Variants in ITSN2 observed in about 807,000 individuals in gnomAD.
ITSN2 encodes the protein intersectin 2, also known as intersectin-2.
ITSN2 carries 156 observed loss-of-function variants against 243.7 expected under a neutral mutation model. That is an observed-to-expected ratio of 0.64 (90% CI 0.56 to 0.73). ITSN2 has a LOEUF of 0.73. Ranked by LOEUF, ITSN2 falls within the 30% of genes least tolerant of loss-of-function variation. The probability of loss-of-function intolerance (pLI) is 0.00; values close to 1 mark genes in which losing one functional copy is unlikely to be tolerated. For synonymous variants in ITSN2, 703 were observed against 699.9 expected (o/e 1.00, Z -0.07); for missense variants, 1,801 against 1,996.1 (o/e 0.90, Z 1.86).
At chr2:24,210,630 A>AAG (rs1553340714) in intron 34 of ITSN2, 150 bp downstream of exon 34, 578 of 628,846 alleles carry the variant, frequency 9.2e-4, no homozygotes, top group Middle Eastern at 2.7e-3. Flanking sequence ...AAAAAAAAAA[A>AAG]AAAAGAAAAA....
At chr2:24,333,755 T>C (rs1017921786) in intron 1 of ITSN2, among the ~76,000 whole-genome samples, 1 of 152,140 alleles carries the variant, frequency 6.6e-6, no homozygotes, top group Non-Finnish European at 1.5e-5. Context: ...GTAGAAAATA[T>C]ACTCACACTA....
At chr2:24,206,016 C>T (rs1668819600) in intron 37 of ITSN2, among the ~76,000 whole-genome samples, 1 of 152,122 alleles carries the variant, frequency 6.6e-6, no homozygotes, top group Non-Finnish European at 1.5e-5. Flanking sequence ...CAGAGCCTGG[C>T]ACAAAGTAAT....
chr2:24,333,229 A>G (rs1336113915), intron 1 of ITSN2, among the ~76,000 whole-genome samples: 1 of 152,214 alleles, frequency 6.6e-6, no homozygotes, highest in Non-Finnish European at 1.5e-5. Flanking sequence ...ACAGGTTCCT[A>G]CAAACAGCAG....
chr2:24,215,482 C>A (rs1669867071), intron 32 of ITSN2, among the ~76,000 whole-genome samples: 1 of 152,076 alleles, frequency 6.6e-6, no homozygotes, highest in Non-Finnish European at 1.5e-5. Context: ...ACCTGGCCAA[C>A]ATGGTGAAAC....
Position 24,211,536 on chromosome 2 carries a change from G to A in ITSN2, c.4090-589C>T, listed in dbSNP as rs2151103747. Among the ~76,000 whole-genome samples the A allele has an allele frequency of 6.6e-6, 1 of 152,302 alleles. No individual in the cohort carries two copies. Among genetic ancestry groups the A allele is most frequent in the South Asian group, 2.1e-4 (1 of 4,824 alleles). On this transcript the variant is annotated intron_variant, in intron 33 of 39. Transcript: ENST00000355123. The surrounding 1 kb of genome is among the most constrained non-coding windows in gnomAD (Gnocchi z 4.1). Reference sequence around the variant, plus strand: ...CAGAGGCCAGAATACAAACGTGTGTGGTCCCTCCAGAAATTAGGAGCCATC... The same window carrying A: ...CAGAGGCCAGAATACAAACGTGTGTAGTCCCTCCAGAAATTAGGAGCCATC...
intron 1 of ITSN2, among the ~76,000 whole-genome samples, chr2:24,351,922 A>G (rs1376483165): frequency 6.6e-6 from 1 of 152,184 alleles, no homozygotes; most frequent in Non-Finnish European, 1.5e-5. Context: ...AAAAGGTGAA[A>G]GTTCTCAACT....
chr2:24,245,092 A>G (rs1203057964), intron 29 of ITSN2, among the ~76,000 whole-genome samples: 1 of 152,208 alleles, frequency 6.6e-6, no homozygotes, highest in Non-Finnish European at 1.5e-5. Context: ...AGTGACAATC[A>G]TTTCATAAAG....
intron 1 of ITSN2, among the ~76,000 whole-genome samples, chr2:24,338,982 C>T (rs190173185): frequency 1.3e-4 from 20 of 152,186 alleles, no homozygotes; most frequent in Admixed American, 3.3e-4. Flanking sequence ...CGGTGGCAAA[C>T]TGAGTGAACT....
intron 9 of ITSN2, 26 bp from the exon 10 acceptor site, chr2:24,302,128 C>A: frequency 6.4e-7 from 1 of 1,561,466 alleles, no homozygotes. Flanking sequence ...AAATTCACAA[C>A]TTAATAAAGT....
chr2:24,271,332 C>T (rs1022556487), intron 19 of ITSN2, among the ~76,000 whole-genome samples: 2 of 152,034 alleles, frequency 1.3e-5, no homozygotes, highest in Non-Finnish European at 2.9e-5. Context: ...TTTCAACAAA[C>T]TGTATCATTA....
intron 30 of ITSN2, 139 bp downstream of exon 30, chr2:24,220,806 C>T (rs1304595196): frequency 4.7e-5 from 67 of 1,437,074 alleles, no homozygotes; most frequent in Non-Finnish European, 5.4e-5. Context: ...TGAGAGCTTC[C>T]GTCACTATTT....
chr2:24,295,751 C>T lies in ITSN2; in HGVS notation c.1548G>A (p.Lys516=). 2.6e-6 allele frequency: 4 copies of T among 1,565,118 alleles called. No individual in the cohort carries two copies. The highest frequency in any genetic ancestry group is 2.6e-6 in the Non-Finnish European group (3 of 1,161,704). ...CTTCCAGCTCAGTCTTTTGAGTTTGCTTTTTGAGTCGGACATCCTGAAGTC... is the reference window on the plus strand; with the variant it reads ...CTTCCAGCTCAGTCTTTTGAGTTTGTTTTTTGAGTCGGACATCCTGAAGTC... ...SGRLQDVRLK[K]QTQKTELEVL... Residue 516 remains lysine (K), a synonymous_variant, in exon 14 of 40, where the codon AAG becomes AAA. Transcript: ENST00000355123.
At chr2:24,231,604 G>C (rs935282418) in intron 29 of ITSN2, among the ~76,000 whole-genome samples, 3 of 152,226 alleles carry the variant, frequency 2.0e-5, no homozygotes, top group African/African-American at 7.2e-5. Flanking sequence ...TGAATCATAG[G>C]TATGTCGCAC....
chr2:24,321,551 TGAA>T (rs1455435942), intron 2 of ITSN2, among the ~76,000 whole-genome samples: 1 of 152,184 alleles, frequency 6.6e-6, no homozygotes, highest in Admixed American at 6.5e-5. Flanking sequence ...ACAGATGTAC[TGAA>T]GAACTAAGGA....
At chr2:24,208,964 G>A in intron 36 of ITSN2, 136 bp downstream of exon 36, 2 of 910,006 alleles carry the variant, frequency 2.2e-6, no homozygotes, top group Admixed American at 2.3e-5. Context: ...GACTGGAGCA[G>A]AGGGGATGTG....
rs1290188548 is a variant in ITSN2, at chr2:24,221,003, A to C, written c.3641T>G (p.Ile1214Ser). 5 of 1,610,112 alleles carry C rather than the reference A, an allele frequency of 3.1e-6. No individual in the cohort carries two copies. In the African/African-American group the frequency reaches 4.0e-5, roughly 13 times the overall value. The change falls in exon 30 of 40, where the codon ATT (isoleucine) becomes AGT (serine). Residue 1214 changes from isoleucine (I) to serine (S), a missense_variant. Around this residue, in one of 5 missense-constraint regions of ITSN2, gnomAD observed 928 missense variants for 1,065.4 expected, o/e 0.87. Transcript: ENST00000355123. The stretch of plus-strand genomic sequence containing the variant: ...CTCTTCGGTCTGAATCAGCTCATGA[A>C]TATAGCCCTGTCTTTTCCTCTCAAT... ...QPIERKRQGY[I>S]HELIQTEERY...
At position 24,283,174 on chromosome 2, in the gene ITSN2, T is replaced by C. The variant is rs147770880; in HGVS notation, c.1944+1589A>G. ...TATCACTCAAGTGAAATGGCACTTT[T>C]AGCAAGGTCTTCAAAAGTTTTCTTT... On this transcript the variant is annotated intron_variant, in intron 17 of 39. Coordinates refer to ENST00000355123, the MANE Select transcript of ITSN2 (RefSeq NM_006277.3). 2.6e-5 allele frequency among the ~76,000 whole-genome samples: 4 copies of C among 152,328 alleles called. No individual in the cohort carries two copies. The East Asian group carries it at 7.7e-4, about 29-fold the overall frequency.
intron 20 of ITSN2, among the ~76,000 whole-genome samples, chr2:24,269,544 G>A (rs546104519): frequency 6.6e-6 from 1 of 152,260 alleles, no homozygotes; most frequent in East Asian, 1.9e-4. Context: ...ACTGCCACCA[G>A]AATGGCTCTC....
intron 7 of ITSN2, among the ~76,000 whole-genome samples, chr2:24,309,169 T>A (rs1048627917): frequency 5.9e-5 from 9 of 152,208 alleles, no homozygotes; most frequent in Admixed American, 5.9e-4. Context: ...GGATCGCTGT[T>A]ACATACTATA....
Sources: gnomAD v4.1 joint callset for allele counts (sites outside exome capture counted in the v4.1 genomes callset) on GRCh38, gnomAD v4.1.1 for gene constraint, gnomAD v4.1.1 regional missense constraint, Gnocchi (gnomAD v3.1) non-coding constraint, MANE v1.5 for transcripts, NCBI Gene and HGNC (gene_info 2026-07-23, HGNC 2026-07-21) for gene names.